C3orf20: variants seen among roughly 807,000 people sequenced by gnomAD.
C3orf20 encodes family with sequence similarity 149 member C, also known as uncharacterized protein C3orf20.
In C3orf20, 76 loss-of-function variants were observed where a neutral mutation model predicts 88.3. The ratio of observed to expected loss-of-function variants is 0.86; its 90% CI spans 0.72 to 1.04. C3orf20 has a LOEUF of 1.04. C3orf20 is among the 50% of genes least tolerant of loss of function. The pLI is 0.00. For synonymous variants in C3orf20, 436 were observed against 437.4 expected, an observed-to-expected ratio of 1.00 and a Z score of 0.04; for missense variants, 1,056 against 1,123.3, an observed-to-expected ratio of 0.94 and a Z score of 0.86.
intron 7 of C3orf20, among the ~76,000 whole-genome samples, chr3:14,705,602 C>A (rs1345146048): frequency 6.6e-6 from 1 of 152,140 alleles, no homozygotes; most frequent in Non-Finnish European, 1.5e-5. Flanking sequence ...GGTAGGAAGT[C>A]ACCTTGTACC....
At chr3:14,709,642 C>G (rs1009591426) in intron 7 of C3orf20, among the ~76,000 whole-genome samples, 1 of 152,074 alleles carries the variant, frequency 6.6e-6, no homozygotes, top group African/African-American at 2.4e-5. Context: ...TTCCCCCCAA[C>G]CCCCGCCATT....
intron 12 of C3orf20, among the ~76,000 whole-genome samples, chr3:14,739,313 A>G (rs570615052): frequency 4.6e-5 from 7 of 152,214 alleles, no homozygotes; most frequent in Non-Finnish European, 8.8e-5. Flanking sequence ...CATCTCCATC[A>G]GAACTCTAGG....
intron 5 of C3orf20, among the ~76,000 whole-genome samples, chr3:14,699,245 C>A (rs1412838904): frequency 1.3e-5 from 2 of 152,220 alleles, no homozygotes; most frequent in Non-Finnish European, 2.9e-5. Flanking sequence ...GCTCTGCCCC[C>A]TCATTGCTGA....
At chr3:14,767,380 A>C (rs2125045040) in intron 15 of C3orf20, 1 of 152,226 alleles carries the variant, frequency 6.6e-6, no homozygotes, top group Middle Eastern at 3.4e-3. Context: ...AGAGAAGGGA[A>C]AGTGGAGGCC....
At chr3:14,737,553 T>C (rs1198988438) in intron 12 of C3orf20, among the ~76,000 whole-genome samples, 1 of 152,236 alleles carries the variant, frequency 6.6e-6, no homozygotes, top group East Asian at 1.9e-4. Context: ...GCTGAAGATA[T>C]GCTAATGCAC....
rs549160447 is a variant in C3orf20 at position 14,695,516 on chromosome 3, A to G, written c.745+5400A>G. On this transcript the variant is annotated intron_variant, in intron 5 of 16. Coordinates refer to ENST00000253697, the MANE Select transcript of C3orf20 (RefSeq NM_032137.5). ...AATATCTATTAGGCCCATTTGGTCT[A>G]TAGTATAGATTAAGTCTGATGTTTC... Among the ~76,000 whole-genome samples the G allele has an allele frequency of 3.3e-5, 5 of 152,258 alleles. No homozygotes were observed. In the East Asian group the frequency reaches 7.7e-4, roughly 23 times the overall value.
chr3:14,713,025 T>C (rs2033810380), intron 7 of C3orf20, among the ~76,000 whole-genome samples: 1 of 152,210 alleles, frequency 6.6e-6, no homozygotes, highest in Non-Finnish European at 1.5e-5. Context: ...GCCATTAATC[T>C]TATTGAAGTT....
chr3:14,699,698 A>C (rs1049183889), intron 5 of C3orf20, among the ~76,000 whole-genome samples: 2 of 152,178 alleles, frequency 1.3e-5, no homozygotes, highest in Non-Finnish European at 2.9e-5. Context: ...TTTTGGAGCC[A>C]TGAGCTGTGC....
chr3:14,745,625 A>G (rs2035037642), intron 12 of C3orf20, among the ~76,000 whole-genome samples: 1 of 152,218 alleles, frequency 6.6e-6, no homozygotes, highest in Non-Finnish European at 1.5e-5. Context: ...ATATCTGTAA[A>G]TAAATTCCTA....
intron 12 of C3orf20, among the ~76,000 whole-genome samples, chr3:14,749,617 T>C (rs1212969851): frequency 1.3e-5 from 2 of 152,222 alleles, no homozygotes; most frequent in African/African-American, 4.8e-5. Flanking sequence ...TAGGAAGGAC[T>C]TCTGCCATCT....
At position 14,757,461 on chromosome 3, in the gene C3orf20, A is replaced by G; in HGVS notation, c.2031A>G (p.Glu677=). The change falls in exon 13 of 17, where the codon GAA becomes GAG. Residue 677 remains glutamate (E), a synonymous_variant. Coordinates refer to ENST00000253697, the MANE Select transcript of C3orf20 (RefSeq NM_032137.5). The part of the protein sequence containing the change: ...PLVLRKLMLK[E]DTRAGCKCLV... The stretch of plus-strand genomic sequence containing the variant: ...TGCTGCGGAAGCTCATGCTCAAGGA[A>G]GACACCCGTGCTGGCTGCAAGTGCC... 1.2e-6 allele frequency: 2 copies of G among 1,613,044 alleles called. No individual in the cohort carries two copies. The highest frequency in any genetic ancestry group is 8.5e-7 in the Non-Finnish European group (1 of 1,179,970).
At chr3:14,699,571 G>A (rs142691584) in intron 5 of C3orf20, among the ~76,000 whole-genome samples, 1 of 152,330 alleles carries the variant, frequency 6.6e-6, no homozygotes, top group Non-Finnish European at 1.5e-5. Context: ...CTGGAATGGG[G>A]GCCTCATGAC....
intron 10 of C3orf20, among the ~76,000 whole-genome samples, chr3:14,725,415 C>T (rs768636891): frequency 5.9e-5 from 9 of 152,140 alleles, no homozygotes; most frequent in Admixed American, 4.6e-4. Flanking sequence ...AATGGCGGTC[C>T]CAGCTTTTAC....
chr3:14,757,689 A>G lies in C3orf20; in HGVS notation c.2244+15A>G, dbSNP rs777180359. 1 of 1,602,878 alleles carries G rather than the reference A, an allele frequency of 6.2e-7. No individual in the cohort carries two copies. Among genetic ancestry groups the G allele is most frequent in the Non-Finnish European group, 8.5e-7 (1 of 1,172,862 alleles). On this transcript the variant is annotated intron_variant, in intron 13 of 16. Coordinates refer to ENST00000253697, the MANE Select transcript of C3orf20 (RefSeq NM_032137.5). ...CCTGCATCCAGGTTGGTCTGGGCCC[A>G]GTGAGGAGGCCCTGGAGGCCAGGGG...
chr3:14,700,555 T>G lies in C3orf20; in HGVS notation c.746-2575T>G, dbSNP rs181453988. Among the ~76,000 whole-genome samples, 55 of 152,368 alleles carry G rather than the reference T, an allele frequency of 3.6e-4. No individual in the cohort carries two copies. In the East Asian group the frequency reaches 0.01, roughly 28 times the overall value. ...GACTCGGGGGATTGCTACATGTCTA[T>G]TGGCCTCTTGTCTATGTGGCTGCTT... On this transcript the variant is annotated intron_variant, in intron 5 of 16. Transcript: ENST00000253697.
chr3:14,687,100 T>C (rs2032476384), intron 4 of C3orf20, among the ~76,000 whole-genome samples: 1 of 152,168 alleles, frequency 6.6e-6, no homozygotes, highest in South Asian at 2.1e-4. Flanking sequence ...TACAGGATCA[T>C]GACTCCATGG....
At chr3:14,770,616 C>T (rs1199847901) in intron 15 of C3orf20, among the ~76,000 whole-genome samples, 2 of 152,206 alleles carry the variant, frequency 1.3e-5, no homozygotes, top group African/African-American at 4.8e-5. Flanking sequence ...CTCAAGCCCC[C>T]TCCCCAAGCC....
intron 12 of C3orf20, among the ~76,000 whole-genome samples, chr3:14,736,332 C>T (rs1055672797): frequency 3.3e-5 from 5 of 150,354 alleles, no homozygotes; most frequent in Non-Finnish European, 7.4e-5. Context: ...GCTCTGTTGC[C>T]CAGGCTAGAG....
At chr3:14,715,739 G>C (rs2033914791) in intron 9 of C3orf20, among the ~76,000 whole-genome samples, 4 of 152,116 alleles carry the variant, frequency 2.6e-5, no homozygotes, top group Admixed American at 2.6e-4. Flanking sequence ...TATAGTAGTT[G>C]ATAGCTTTAT....
Sources: allele counts gnomAD v4.1 joint callset (sites outside exome capture counted in the v4.1 genomes callset), GRCh38; gene constraint gnomAD v4.1.1; transcripts MANE v1.5; gene names NCBI Gene and HGNC (gene_info 2026-07-23, HGNC 2026-07-21).